NR6A1: variants seen among roughly 807,000 people sequenced by gnomAD.
The protein encoded by NR6A1 is nuclear receptor subfamily 6 group A member 1, also known as retinoic acid receptor-related testis-associated receptor.
Under a neutral mutation model 59.1 loss-of-function variants are expected in NR6A1, and 7 were observed. That is an observed-to-expected ratio of 0.12 (90% CI 0.07 to 0.22). The LOEUF is 0.22. Among genes scored for constraint, NR6A1 ranks in the 10% least tolerant of loss-of-function variants. NR6A1 has a pLI of 1.00. For missense variants in NR6A1, 468 were observed against 611.6 expected, an observed-to-expected ratio of 0.77 and a Z score of 2.48; for synonymous variants, 243 against 236.1, an observed-to-expected ratio of 1.03 and a Z score of -0.27.
intron 2 of NR6A1, among the ~76,000 whole-genome samples, chr9:124,641,587 C>CT (rs1339769274): frequency 6.6e-6 from 1 of 152,002 alleles, no homozygotes; most frequent in Admixed American, 6.6e-5. Flanking sequence ...GTAGTCCCAG[C>CT]TTGGGAGGCT....
chr9:124,679,044 TAAAAG>T (rs779013106), intron 2 of NR6A1, among the ~76,000 whole-genome samples: 10 of 152,058 alleles, frequency 6.6e-5, no homozygotes, highest in African/African-American at 1.7e-4. Context: ...TCTCTAAAAA[TAAAAG>T]AAAAGGCCCC....
intron 2 of NR6A1, among the ~76,000 whole-genome samples, chr9:124,559,755 C>T (rs574770700): frequency 2.6e-5 from 4 of 152,082 alleles, no homozygotes; most frequent in South Asian, 4.2e-4. Flanking sequence ...CCAGCCTGGG[C>T]GACAGAACAA....
intron 2 of NR6A1, among the ~76,000 whole-genome samples, chr9:124,558,990 T>C (rs1291774393): frequency 1.3e-5 from 2 of 152,220 alleles, no homozygotes; most frequent in Non-Finnish European, 2.9e-5. Context: ...ATTTATAGCA[T>C]GTTTACATGC....
intron 2 of NR6A1, among the ~76,000 whole-genome samples, chr9:124,697,404 G>A (rs1344555488): frequency 6.6e-6 from 1 of 151,942 alleles, no homozygotes; most frequent in African/African-American, 2.4e-5. Context: ...TAAAAGTAAG[G>A]TACTATGAGA....
intron 2 of NR6A1, among the ~76,000 whole-genome samples, chr9:124,564,884 TG>T (rs1178148521): frequency 2.0e-5 from 3 of 152,178 alleles, no homozygotes; most frequent in Non-Finnish European, 4.4e-5. Context: ...AGGCATGGAA[TG>T]GAGAACCCTA....
chr9:124,580,514 C>A (rs982355985), intron 2 of NR6A1, among the ~76,000 whole-genome samples: 1 of 151,978 alleles, frequency 6.6e-6, no homozygotes, highest in Non-Finnish European at 1.5e-5. Context: ...CCAAGGCAAT[C>A]CTAAGCAAAA....
intron 2 of NR6A1, among the ~76,000 whole-genome samples, chr9:124,585,173 T>C (rs912786480): frequency 3.3e-5 from 5 of 152,164 alleles, no homozygotes; most frequent in African/African-American, 1.2e-4. Context: ...GTGAGGAAGC[T>C]GCAGAAGAAA....
chr9:124,678,961 ATCCCAGCTACTCAGGAGGCTGAGG>A (rs1838042258), intron 2 of NR6A1, among the ~76,000 whole-genome samples: 1 of 152,142 alleles, frequency 6.6e-6, no homozygotes, highest in African/African-American at 2.4e-5. Context: ...CGTGCCTATA[ATCCCAGCTACTCAGGAGGCTGAGG>A]TAGGAGGTTT....
chr9:124,592,738 A>T (rs1835164584), intron 2 of NR6A1, among the ~76,000 whole-genome samples: 1 of 152,144 alleles, frequency 6.6e-6, no homozygotes. Context: ...CAGTTCATTT[A>T]TGCATTTATT....
chr9:124,707,715 T>A (rs1839174669), intron 2 of NR6A1, among the ~76,000 whole-genome samples: 1 of 152,240 alleles, frequency 6.6e-6, no homozygotes, highest in South Asian at 2.1e-4. Context: ...CCACCAAGTC[T>A]GTCTCCTCTG....
intron 2 of NR6A1, among the ~76,000 whole-genome samples, chr9:124,703,477 G>C (rs1839028567): frequency 6.6e-6 from 1 of 151,576 alleles, no homozygotes; most frequent in Non-Finnish European, 1.5e-5. Context: ...CAAAGTGCTG[G>C]TATTACCAGC....
chr9:124,595,057 T>C (rs1835232183), intron 2 of NR6A1, among the ~76,000 whole-genome samples: 1 of 152,236 alleles, frequency 6.6e-6, no homozygotes, highest in Admixed American at 6.5e-5. Flanking sequence ...ATTTTATCTG[T>C]TCCTTCAGCT....
chr9:124,701,606 A>G (rs1233108956), intron 2 of NR6A1, among the ~76,000 whole-genome samples: 1 of 152,210 alleles, frequency 6.6e-6, no homozygotes, highest in East Asian at 1.9e-4. Flanking sequence ...AATTTTGCCT[A>G]TTCTAGGAAT....
intron 2 of NR6A1, among the ~76,000 whole-genome samples, chr9:124,672,808 A>G (rs1837835217): frequency 6.6e-6 from 1 of 152,026 alleles, no homozygotes; most frequent in African/African-American, 2.4e-5. Context: ...TCTGATATCT[A>G]GTGATGCTGA....
chr9:124,542,906 T>C (rs1199692050), intron 4 of NR6A1, among the ~76,000 whole-genome samples: 1 of 152,164 alleles, frequency 6.6e-6, no homozygotes, highest in Non-Finnish European at 1.5e-5. Context: ...TGCCAAGGGA[T>C]TCACCTGATG....
At chr9:124,725,831 G>A (rs773339697) in intron 2 of NR6A1, among the ~76,000 whole-genome samples, 2 of 151,996 alleles carry the variant, frequency 1.3e-5, no homozygotes, top group Non-Finnish European at 2.9e-5. Flanking sequence ...TGACAAATTC[G>A]GATCAAATTT....
At chr9:124,704,900 G>C (rs536644570) in intron 2 of NR6A1, among the ~76,000 whole-genome samples, 1 of 151,908 alleles carries the variant, frequency 6.6e-6, no homozygotes, top group Non-Finnish European at 1.5e-5. Flanking sequence ...CACAACTGGC[G>C]AATTTCTGGT....
chr9:124,717,235 A>G (rs1839435711), intron 2 of NR6A1, among the ~76,000 whole-genome samples: 1 of 152,242 alleles, frequency 6.6e-6, no homozygotes, highest in Non-Finnish European at 1.5e-5. Flanking sequence ...AGTAATTCCT[A>G]GATGTATGAC....
intron 2 of NR6A1, among the ~76,000 whole-genome samples, chr9:124,724,208 C>T (rs942797802): frequency 9.2e-5 from 14 of 151,704 alleles, no homozygotes; most frequent in Non-Finnish European, 2.9e-5. Flanking sequence ...GTATAGATTC[C>T]TAATTATGTA....
Sources: allele counts gnomAD v4.1 joint callset (sites outside exome capture counted in the v4.1 genomes callset), GRCh38; gene constraint gnomAD v4.1.1; transcripts MANE v1.5; gene names NCBI Gene and HGNC (gene_info 2026-07-23, HGNC 2026-07-21).